BMPR1B: variants seen among roughly 807,000 people sequenced by gnomAD.
BMPR1B encodes bone morphogenetic protein receptor type 1B.
Under a neutral mutation model 59.1 loss-of-function variants are expected in BMPR1B, and 12 were observed. That is an observed-to-expected ratio of 0.20 (90% CI 0.13 to 0.33). BMPR1B has a LOEUF of 0.33. BMPR1B is among the 10% of genes least tolerant of loss of function. The probability of loss-of-function intolerance (pLI) is 1.00; values close to 1 mark genes in which losing one functional copy is unlikely to be tolerated. For missense variants in BMPR1B, 550 were observed against 610.9 expected (o/e 0.90, Z 1.05); for synonymous variants, 237 against 207.3 (o/e 1.14, Z -1.23).
intron 2 of BMPR1B, among the ~76,000 whole-genome samples, chr4:94,889,978 A>G (rs1727326843): frequency 6.6e-6 from 1 of 151,964 alleles, no homozygotes; most frequent in South Asian, 2.1e-4. Context: ...GAGGGAGAGG[A>G]ATGAAGGGAG....
At chr4:95,026,840 A>C (rs1724456672) in intron 3 of BMPR1B, among the ~76,000 whole-genome samples, 1 of 151,248 alleles carries the variant, frequency 6.6e-6, no homozygotes, top group African/African-American at 2.4e-5. Flanking sequence ...AGCTCACTGC[A>C]GCCTCAAAAT....
At chr4:94,983,243 C>CT (rs897357200) in intron 2 of BMPR1B, among the ~76,000 whole-genome samples, 1 of 152,046 alleles carries the variant, frequency 6.6e-6, no homozygotes, top group African/African-American at 2.4e-5. Flanking sequence ...TTTATTATTG[C>CT]TTTTTTTCCC....
At chr4:94,803,742 A>G (rs956449538) in intron 1 of BMPR1B, among the ~76,000 whole-genome samples, 4 of 152,162 alleles carry the variant, frequency 2.6e-5, no homozygotes, top group African/African-American at 9.7e-5. Flanking sequence ...CAGAAGTTGA[A>G]TATTTCTTCT....
intron 10 of BMPR1B, among the ~76,000 whole-genome samples, chr4:95,147,859 C>T (rs1734755160): frequency 6.6e-6 from 1 of 152,092 alleles, no homozygotes; most frequent in South Asian, 2.1e-4. Context: ...ACCCTTAGAA[C>T]AGGGGCTGGA....
At chr4:94,847,605 C>T (rs1725387353) in intron 1 of BMPR1B, among the ~76,000 whole-genome samples, 1 of 108,220 alleles carries the variant, frequency 9.2e-6, no homozygotes, top group South Asian at 3.5e-4. Flanking sequence ...ACTATTCAGC[C>T]ATAAAAAACA....
chr4:94,763,958 G>A (rs764133233), intron 1 of BMPR1B, among the ~76,000 whole-genome samples: 44 of 152,184 alleles, frequency 2.9e-4, no homozygotes, highest in Admixed American at 1.1e-3. Flanking sequence ...ATTATGGAAC[G>A]TGGTGCAGTG....
chr4:94,764,547 CTG>C (rs1397776300), intron 1 of BMPR1B, among the ~76,000 whole-genome samples: 2 of 152,120 alleles, frequency 1.3e-5, no homozygotes, highest in African/African-American at 2.4e-5. Flanking sequence ...TTATCAGGAG[CTG>C]TGTCAATTAA....
chr4:95,136,474 C>T (rs1733797207), intron 10 of BMPR1B, among the ~76,000 whole-genome samples: 1 of 152,140 alleles, frequency 6.6e-6, no homozygotes, highest in African/African-American at 2.4e-5. Context: ...GGAATAGTTT[C>T]AGAAGGCATG....
At chr4:95,009,133 A>G (rs565817883) in intron 3 of BMPR1B, among the ~76,000 whole-genome samples, 4 of 152,228 alleles carry the variant, frequency 2.6e-5, no homozygotes, top group Non-Finnish European at 5.9e-5. Context: ...GTCTGAAAAT[A>G]ACAAATCTTG....
intron 10 of BMPR1B, among the ~76,000 whole-genome samples, chr4:95,132,199 A>C (rs963577697): frequency 2.0e-5 from 3 of 152,182 alleles, no homozygotes; most frequent in Non-Finnish European, 2.9e-5. Flanking sequence ...TGGAAAACAA[A>C]ACAAAATGAG....
At chr4:95,039,637 G>A (rs1725508863) in intron 3 of BMPR1B, among the ~76,000 whole-genome samples, 1 of 152,192 alleles carries the variant, frequency 6.6e-6, no homozygotes, top group East Asian at 1.9e-4. Flanking sequence ...ATGTGTGTGA[G>A]AGAGATGAAA....
intron 1 of BMPR1B, among the ~76,000 whole-genome samples, chr4:94,840,712 C>T (rs1464781041): frequency 1.4e-5 from 2 of 147,540 alleles, no homozygotes; most frequent in East Asian, 3.9e-4. Context: ...GTTTGAATGT[C>T]CTCCCGTAGC....
At chr4:94,960,841 G>A (rs2149065630) in intron 2 of BMPR1B, among the ~76,000 whole-genome samples, 1 of 152,146 alleles carries the variant, frequency 6.6e-6, no homozygotes, top group South Asian at 2.1e-4. Flanking sequence ...AACTAGCCAA[G>A]CAGAAATGTT....
chr4:94,975,168 T>C (rs907721663), intron 2 of BMPR1B, among the ~76,000 whole-genome samples: 1 of 152,016 alleles, frequency 6.6e-6, no homozygotes, highest in Non-Finnish European at 1.5e-5. Flanking sequence ...GGGGCATGTG[T>C]CCTCAGCCAG....
At chr4:94,767,234 C>T (rs1394432920) in intron 1 of BMPR1B, among the ~76,000 whole-genome samples, 1 of 152,184 alleles carries the variant, frequency 6.6e-6, no homozygotes, top group Non-Finnish European at 1.5e-5. Context: ...TTTAGCTTAA[C>T]TACTATTTAA....
chr4:94,850,091 T>G (rs1250771556), intron 1 of BMPR1B, among the ~76,000 whole-genome samples: 1 of 152,080 alleles, frequency 6.6e-6, no homozygotes, highest in East Asian at 1.9e-4. Flanking sequence ...GGGGCTCTTG[T>G]GTGCAGTGGG....
intron 3 of BMPR1B, among the ~76,000 whole-genome samples, chr4:95,093,424 TTTATAATTCTATGTCTGCTGAGG>T (rs1238288754): frequency 0.077 from 116 of 1,510 alleles, no homozygotes; most frequent in African/African-American, 0.17. Context: ...CCTGCTGAGG[TTTATAATTCTATGTCTGCTGAGG>T]TTTATAATTC....
chr4:94,846,729 A>G (rs948657014), intron 1 of BMPR1B, among the ~76,000 whole-genome samples: 3 of 151,716 alleles, frequency 2.0e-5, no homozygotes, highest in East Asian at 3.9e-4. Flanking sequence ...CTATATATCT[A>G]TATCTATATA....
intron 2 of BMPR1B, among the ~76,000 whole-genome samples, chr4:94,968,784 T>C (rs986992920): frequency 6.6e-6 from 1 of 152,136 alleles, no homozygotes. Flanking sequence ...TACACTCTTA[T>C]TTTGTGTTCC....
Sources: gnomAD v4.1 joint callset for allele counts (sites outside exome capture counted in the v4.1 genomes callset) on GRCh38, gnomAD v4.1.1 for gene constraint, MANE v1.5 for transcripts, NCBI Gene and HGNC (gene_info 2026-07-23, HGNC 2026-07-21) for gene names.